The following MARCHF1 variants were observed in gnomAD, a reference collection of about 807,000 sequenced individuals.
MARCHF1 encodes membrane associated ring-CH-type finger 1.
Under a neutral mutation model 54.2 loss-of-function variants are expected in MARCHF1, and 40 were observed. The ratio of observed to expected loss-of-function variants is 0.74; its 90% confidence interval spans 0.57 to 0.96. The LOEUF is 0.96. MARCHF1 is among the 40% of genes least tolerant of loss of function. The pLI is 0.00. For synonymous variants in MARCHF1, 236 were observed against 236.3 expected, an observed-to-expected ratio of 1.00 and a Z score of 0.01; for missense variants, 586 against 656.5, an observed-to-expected ratio of 0.89 and a Z score of 1.17.
At chr4:163,545,487 C>A in intron 9 of MARCHF1, 109 bp downstream of exon 9, 1 of 969,862 alleles carries the variant, frequency 1.0e-6, no homozygotes, top group South Asian at 1.9e-5. Context: ...ACTAGCTTTT[C>A]TAGTGTATCA....
At chr4:163,892,013 T>TA (rs76645420) in intron 3 of MARCHF1, among the ~76,000 whole-genome samples, 8 of 151,958 alleles carry the variant, frequency 5.3e-5, no homozygotes, top group Non-Finnish European at 8.8e-5. Context: ...GATTTTTTTT[T>TA]AAAAAAAACA....
At chr4:164,139,417 C>T (rs956910845) in intron 1 of MARCHF1, among the ~76,000 whole-genome samples, 3 of 151,716 alleles carry the variant, frequency 2.0e-5, no homozygotes, top group Admixed American at 1.3e-4. Context: ...CAGCTAGTGA[C>T]TTCCTGTATC....
At chr4:163,620,598 CACACACACAGAGAGAGAGAGAGAGAGAG>C (rs1282216065) in intron 5 of MARCHF1, among the ~76,000 whole-genome samples, 168 of 82,872 alleles carry the variant, frequency 2.0e-3, no homozygotes, top group African/African-American at 8.8e-3. Context: ...CACACACACA[CACACACACAGAGAGAGAGAGAGAGAGAG>C]AGAGAGAGAG....
intron 3 of MARCHF1, among the ~76,000 whole-genome samples, chr4:163,902,411 G>A (rs562013695): frequency 2.6e-4 from 39 of 152,262 alleles, no homozygotes; most frequent in African/African-American, 7.9e-4. Flanking sequence ...ATCTTAAGTG[G>A]CATTAATACG....
rs180887580 is a variant in MARCHF1 at position 164,276,663 on chromosome 4, C to T, written c.-323+107207G>A. Among the ~76,000 whole-genome samples the T allele has an allele frequency of 7.6e-4, 115 of 150,768 alleles. 1 individual carries two copies. In the East Asian group the frequency reaches 0.011, roughly 15 times the overall value. ...CATGTAAAGAAATATCACTCTGTATCCCAAGAATGTATACAATTATGGTTT... is the reference window on the plus strand; with the variant it reads ...CATGTAAAGAAATATCACTCTGTATTCCAAGAATGTATACAATTATGGTTT... On this transcript the variant is annotated intron_variant, in intron 1 of 9. Transcript: ENST00000514618.
At chr4:163,782,488 T>A (rs1747493559) in intron 4 of MARCHF1, among the ~76,000 whole-genome samples, 1 of 151,818 alleles carries the variant, frequency 6.6e-6, no homozygotes, top group Non-Finnish European at 1.5e-5. Flanking sequence ...CTGGCCAATA[T>A]AGTGAAACCC....
chr4:163,822,377 T>C (rs953152072), intron 4 of MARCHF1, among the ~76,000 whole-genome samples: 1 of 151,940 alleles, frequency 6.6e-6, no homozygotes, highest in South Asian at 2.1e-4. Context: ...TTGCCAATTA[T>C]ATGAATAGTT....
chr4:163,781,110 A>G (rs922166367), intron 4 of MARCHF1, among the ~76,000 whole-genome samples: 1 of 150,932 alleles, frequency 6.6e-6, no homozygotes, highest in African/African-American at 2.4e-5. Flanking sequence ...TTGGGAGGCC[A>G]AGGGGCGGGG....
At chr4:163,836,550 A>T (rs1243314747) in intron 4 of MARCHF1, among the ~76,000 whole-genome samples, 2 of 63,418 alleles carry the variant, frequency 3.2e-5, no homozygotes, top group Non-Finnish European at 5.8e-5. Context: ...CGGCTAATTT[A>T]TTTTTTGATA....
intron 9 of MARCHF1, among the ~76,000 whole-genome samples, chr4:163,544,799 C>G (rs545498121): frequency 6.6e-6 from 1 of 152,190 alleles, no homozygotes; most frequent in Admixed American, 6.5e-5. Flanking sequence ...CAAAATGTTA[C>G]TATCTGAACA....
At chr4:163,636,113 C>T (rs1327086503) in intron 5 of MARCHF1, among the ~76,000 whole-genome samples, 1 of 152,166 alleles carries the variant, frequency 6.6e-6, no homozygotes, top group South Asian at 2.1e-4. Context: ...TAAGAGCTAT[C>T]TATGACAAAC....
At chr4:164,009,925 T>C (rs779677399) in intron 2 of MARCHF1, among the ~76,000 whole-genome samples, 10 of 152,072 alleles carry the variant, frequency 6.6e-5, no homozygotes, top group South Asian at 2.1e-4. Flanking sequence ...TCAACAAATA[T>C]TGAAAGTACT....
intron 2 of MARCHF1, among the ~76,000 whole-genome samples, chr4:164,060,388 G>T (rs112248901): frequency 2.6e-5 from 4 of 152,160 alleles, no homozygotes; most frequent in African/African-American, 7.2e-5. Flanking sequence ...ATTGGCGAAA[G>T]ACTTTCTAAT....
rs557258898 is a variant in MARCHF1, at chr4:164,224,566, C to G, written c.-322-112904G>C. On this transcript the variant is annotated intron_variant, in intron 1 of 9. Coordinates refer to ENST00000514618, the MANE Select transcript of MARCHF1 (RefSeq NM_001394959.1). ...GTAGTCTATGTCCTAATAATCTATT[C>G]TAAAAGAATCTAAATTATAGAAAAG... 6.1e-4 allele frequency among the ~76,000 whole-genome samples: 92 copies of G among 151,946 alleles called. 2 individuals carry two copies. The South Asian group carries it at 0.012, about 21-fold the overall frequency.
chr4:163,865,724 G>A (rs1268351787), intron 3 of MARCHF1, among the ~76,000 whole-genome samples: 1 of 151,568 alleles, frequency 6.6e-6, no homozygotes, highest in East Asian at 1.9e-4. Flanking sequence ...CACAACAGCT[G>A]GGGTGGGGGT....
chr4:163,650,601 G>A (rs1232362082), intron 5 of MARCHF1, among the ~76,000 whole-genome samples: 3 of 151,922 alleles, frequency 2.0e-5, no homozygotes, highest in Non-Finnish European at 4.4e-5. Context: ...TCTTAAGATT[G>A]TTGCTGAAAA....
chr4:164,294,463 C>T (rs903413242), intron 1 of MARCHF1, among the ~76,000 whole-genome samples: 2 of 152,178 alleles, frequency 1.3e-5, no homozygotes, highest in African/African-American at 4.8e-5. Flanking sequence ...GTTTATGCTA[C>T]AAGTAAAACC....
chr4:164,166,962 A>T (rs1730397448), intron 1 of MARCHF1, among the ~76,000 whole-genome samples: 1 of 151,358 alleles, frequency 6.6e-6, no homozygotes, highest in East Asian at 1.9e-4. Context: ...ATATTTATAA[A>T]TTTTTAAATT....
intron 4 of MARCHF1, among the ~76,000 whole-genome samples, chr4:163,741,061 C>G (rs7669415): frequency 0.39 from 59,917 of 152,018 alleles, 12,392 homozygotes; most frequent in Non-Finnish European, 0.46. Flanking sequence ...TTGTAGCACA[C>G]AGTGAAATGT....
Sources: allele counts gnomAD v4.1 joint callset (sites outside exome capture counted in the v4.1 genomes callset), GRCh38; gene constraint gnomAD v4.1.1; transcripts MANE v1.5; gene names NCBI Gene and HGNC (gene_info 2026-07-23, HGNC 2026-07-21).